The following PRKAR1B variants were observed in gnomAD, a reference collection of about 807,000 sequenced individuals.
The protein encoded by PRKAR1B is protein kinase cAMP-dependent type I regulatory subunit beta.
A neutral mutation model predicts 46.5 loss-of-function variants in PRKAR1B; 22 were observed. The ratio of observed to expected loss-of-function variants is 0.47; its 90% confidence interval spans 0.34 to 0.68. The LOEUF (loss-of-function observed/expected upper bound fraction) is 0.68. PRKAR1B is among the 30% of genes least tolerant of loss of function. The pLI, the probability that PRKAR1B is intolerant of heterozygous loss-of-function variation, is 0.01. For synonymous variants in PRKAR1B, 259 were observed against 217.7 expected, an observed-to-expected ratio of 1.19 and a Z score of -1.67; for missense variants, 445 against 535.6, an observed-to-expected ratio of 0.83 and a Z score of 1.67.
intron 2 of PRKAR1B, among the ~76,000 whole-genome samples, chr7:703,938 G>A (rs1365797392): frequency 6.6e-6 from 1 of 152,008 alleles, no homozygotes; most frequent in Non-Finnish European, 1.5e-5. Flanking sequence ...CCAAATATTT[G>A]GAAATTAGAC....
At chr7:660,763 C>T (rs1480332281) in intron 4 of PRKAR1B, among the ~76,000 whole-genome samples, 6 of 118,306 alleles carry the variant, frequency 5.1e-5, no homozygotes, top group South Asian at 3.6e-4. Flanking sequence ...TACCTACTCT[C>T]CCCTCCATAG....
intron 2 of PRKAR1B, 65 bp downstream of exon 2, chr7:711,264 C>T: frequency 3.2e-6 from 5 of 1,583,134 alleles, no homozygotes; most frequent in Non-Finnish European, 4.3e-6. Context: ...GGAAGGCTTC[C>T]CCGGCTGCCG....
chr7:685,279 CGTATATATAT>C lies in PRKAR1B; in HGVS notation c.178-4563_178-4554del, dbSNP rs1778963931. 1.6e-3 allele frequency among the ~76,000 whole-genome samples: 32 copies of C among 19,544 alleles called. 4 individuals carry two copies. In the Admixed American group the frequency reaches 0.018, roughly 11 times the overall value. 12.8% of individuals were successfully genotyped at this position (19,544 alleles called of 152,430 possible). ...ATATATACATATATACGTATATATA[CGTATATATAT>C]GTATACATATATATATACGTATATA... On this transcript the variant is annotated intron_variant, in intron 2 of 10. Coordinates refer to ENST00000537384, the MANE Select transcript of PRKAR1B (RefSeq NM_001164760.2).
intron 9 of PRKAR1B, among the ~76,000 whole-genome samples, chr7:571,516 G>A (rs1177813993): frequency 6.6e-6 from 1 of 152,206 alleles, no homozygotes; most frequent in South Asian, 2.1e-4. Flanking sequence ...TTGTTTCAAC[G>A]TTGTGGACAT....
chr7:601,749 G>C (rs1197676061), intron 6 of PRKAR1B, among the ~76,000 whole-genome samples: 1 of 152,232 alleles, frequency 6.6e-6, no homozygotes, highest in Non-Finnish European at 1.5e-5. Flanking sequence ...GTCACAGCCG[G>C]TTCCCGCAGG....
At chr7:553,731 T>TGA (rs1784391000) in intron 9 of PRKAR1B, among the ~76,000 whole-genome samples, 1 of 152,086 alleles carries the variant, frequency 6.6e-6, no homozygotes, top group African/African-American at 2.4e-5. Flanking sequence ...CCCCACCTCA[T>TGA]CAGTCTGGGA....
rs369994625 is a variant in PRKAR1B, at chr7:600,178, G to A, written c.550-3874C>T. 3.0e-4 allele frequency among the ~76,000 whole-genome samples: 46 copies of A among 152,358 alleles called. No individual in the cohort carries two copies. The East Asian group carries it at 4.4e-3, about 15-fold the overall frequency. On this transcript the variant is annotated intron_variant, in intron 6 of 10. Transcript: ENST00000537384. ...TAATGCCACCGAACTGCACAAAATG[G>A]TTAGAATGGTCAGTGTGGTGTGTCT...
chr7:605,372 A>G (rs1228531387), intron 6 of PRKAR1B, among the ~76,000 whole-genome samples: 2 of 152,176 alleles, frequency 1.3e-5, no homozygotes, highest in East Asian at 1.9e-4. Flanking sequence ...GCAGAACAGG[A>G]GCCCAGCGGG....
rs774171547 is a variant in PRKAR1B, at chr7:714,913, C to T, written c.-22-3386G>A. 2.0e-5 allele frequency among the ~76,000 whole-genome samples: 3 copies of T among 152,140 alleles called. No homozygotes were observed. The highest frequency in any genetic ancestry group is 1.9e-4 in the East Asian group (1 of 5,194). On this transcript the variant is annotated intron_variant, in intron 1 of 10. Transcript: ENST00000537384. The surrounding 1 kb of genome is among the most constrained non-coding windows in gnomAD (Gnocchi z 4.3). ...ATCAATAAATACCTTTGGCCGGATG[C>T]GGTGGTTCACACCTGTAATCCCAGC... is the stretch of plus-strand genomic sequence containing the variant.
At chr7:576,282 C>T (rs1042304973) in intron 9 of PRKAR1B, among the ~76,000 whole-genome samples, 8 of 152,220 alleles carry the variant, frequency 5.3e-5, no homozygotes, top group South Asian at 2.1e-4. Context: ...ACTCCCCTCT[C>T]GGGGCCCGCC....
At position 606,233 on chromosome 7, in the gene PRKAR1B, T is replaced by G. The variant is rs1474825667; in HGVS notation, c.509A>C (p.Glu170Ala). The change falls in exon 6 of 11, where the codon GAA becomes GCA. Residue 170 changes from glutamate to alanine, a missense_variant. This residue lies in a region of PRKAR1B where 94 missense variants were observed against 126.9 expected (regional missense o/e 0.74). Transcript: ENST00000537384. ...AGETVIQQGN[E>A]GDNFYVVDQG... The stretch of plus-strand genomic sequence containing the variant: ...ATCAACGACATAGAAGTTGTCTCCT[T>G]CATTCCCTGTAACAAAAGAAGAAAG... The G allele has an allele frequency of 6.2e-7, 1 of 1,613,640 alleles. No individual in the cohort carries two copies. Among genetic ancestry groups the G allele is most frequent in the Non-Finnish European group, 8.5e-7 (1 of 1,179,666 alleles).
At chr7:663,677 G>A (rs151007968) in intron 4 of PRKAR1B, among the ~76,000 whole-genome samples, 7 of 152,230 alleles carry the variant, frequency 4.6e-5, no homozygotes, top group East Asian at 3.9e-4. Context: ...GGGCAGCAGC[G>A]GTGGCCCGAA....
chr7:597,346 C>T lies in PRKAR1B; in HGVS notation c.550-1042G>A, dbSNP rs979753580. 3.3e-5 allele frequency among the ~76,000 whole-genome samples: 5 copies of T among 152,160 alleles called. No homozygotes were observed. In the South Asian group the frequency reaches 8.3e-4, roughly 25 times the overall value. On this transcript the variant is annotated intron_variant, in intron 6 of 10. Transcript: ENST00000537384. ...AACTCCACAATTAGGTACAAGTGAG[C>T]GCTGGGGAGAACTGGTCGACCACGA... is the stretch of plus-strand genomic sequence containing the variant.
intron 2 of PRKAR1B, among the ~76,000 whole-genome samples, chr7:690,156 C>G (rs538818301): frequency 3.3e-5 from 5 of 151,774 alleles, no homozygotes; most frequent in Non-Finnish European, 7.4e-5. Context: ...ATTAGCCAGG[C>G]GTGGTGGTGT....
intron 9 of PRKAR1B, among the ~76,000 whole-genome samples, chr7:573,762 C>T (rs947032941): frequency 9.9e-5 from 15 of 152,202 alleles, no homozygotes; most frequent in Admixed American, 6.5e-5. Context: ...AAGTTGTGCT[C>T]GCAAGACTGG....
intron 9 of PRKAR1B, among the ~76,000 whole-genome samples, chr7:567,524 C>G (rs1366793215): frequency 6.6e-6 from 1 of 150,964 alleles, no homozygotes; most frequent in African/African-American, 2.4e-5. Flanking sequence ...TCATCACCAT[C>G]ACCATCATCA....
chr7:583,070 G>T (rs985991601), intron 8 of PRKAR1B, among the ~76,000 whole-genome samples: 1 of 152,060 alleles, frequency 6.6e-6, no homozygotes, highest in African/African-American at 2.4e-5. Context: ...GGAGGGCAGG[G>T]GGGGTGACGG....
At chr7:658,526 G>A (rs911039630) in intron 4 of PRKAR1B, among the ~76,000 whole-genome samples, 8 of 152,224 alleles carry the variant, frequency 5.3e-5, no homozygotes, top group East Asian at 1.9e-4. Flanking sequence ...TCAGGGTCGG[G>A]AGAAAGTGGG....
intron 4 of PRKAR1B, among the ~76,000 whole-genome samples, chr7:658,171 C>A (rs959045322): frequency 2.0e-5 from 3 of 152,094 alleles, no homozygotes; most frequent in African/African-American, 7.2e-5. Flanking sequence ...CGGTGGCTCA[C>A]ACCTGTAATC....
Sources: gnomAD v4.1 joint callset for allele counts (sites outside exome capture counted in the v4.1 genomes callset) on GRCh38, gnomAD v4.1.1 for gene constraint, gnomAD v4.1.1 regional missense constraint, Gnocchi (gnomAD v3.1) non-coding constraint, MANE v1.5 for transcripts, NCBI Gene and HGNC (gene_info 2026-07-23, HGNC 2026-07-21) for gene names.